The following MOB1B variants were observed in gnomAD, a reference collection of about 807,000 sequenced individuals.
The protein encoded by MOB1B is MOB kinase activator 1B, also known as MOB1 Mps One Binder homolog B.
MOB1B carries 19 observed loss-of-function variants against 24.4 expected under a neutral mutation model. The observed-to-expected ratio is 0.78, with a 90% CI of 0.54 to 1.14. The LOEUF (loss-of-function observed/expected upper bound fraction) is 1.14. Ranked by LOEUF, MOB1B falls within the 50% of genes most tolerant of loss-of-function variation. The probability of loss-of-function intolerance (pLI) is 0.00; values close to 1 mark genes in which losing one functional copy is unlikely to be tolerated. For synonymous variants in MOB1B, 76 were observed against 82.1 expected, an observed-to-expected ratio of 0.93 and a Z score of 0.40; for missense variants, 243 against 259.6, an observed-to-expected ratio of 0.94 and a Z score of 0.44.
rs1735559299 is a variant in MOB1B at position 70,902,617 on chromosome 4, C to CCGCCCGCCGCCCGT, written c.14+73_14+74insCCGCCCGTCGCCCG. On this transcript the variant is annotated intron_variant, in intron 1 of 5. Coordinates refer to ENST00000309395, the MANE Select transcript of MOB1B (RefSeq NM_173468.4). Reference sequence around the variant, plus strand: ...GACCTGGGCCCCCGCCCGCCGCCCGCCGCCCGTCGCCCGCCCTCGTCCCGA... The same window carrying CCGCCCGCCGCCCGT: ...GACCTGGGCCCCCGCCCGCCGCCCGCCGCCCGCCGCCCGTCGCCCGTCGCCCGCCCTCGTCCCGA... 3 of 1,422,092 alleles carry CCGCCCGCCGCCCGT rather than the reference C, an allele frequency of 2.1e-6. No homozygotes were observed. In the South Asian group the frequency reaches 3.9e-5, roughly 18 times the overall value. The allele number at this position is 1,422,092 out of a possible 1,614,324, so 88.1% of individuals were successfully genotyped here. A position where few individuals can be genotyped will look rare whatever the true frequency, so the allele number is the denominator to read the frequency against.
intron 1 of MOB1B, among the ~76,000 whole-genome samples, chr4:70,944,687 G>T (rs779428503): frequency 6.6e-6 from 1 of 152,110 alleles, no homozygotes; most frequent in Non-Finnish European, 1.5e-5. Flanking sequence ...TTACAATCAT[G>T]GCAGAAGGCA....
At chr4:70,936,827 A>G (rs1211258798) in intron 1 of MOB1B, among the ~76,000 whole-genome samples, 2 of 152,222 alleles carry the variant, frequency 1.3e-5, no homozygotes, top group African/African-American at 4.8e-5. Context: ...ATAGAGTTCT[A>G]GGGTAGAAAT....
chr4:70,979,648 T>C (rs1739124338), intron 5 of MOB1B, among the ~76,000 whole-genome samples: 1 of 152,228 alleles, frequency 6.6e-6, no homozygotes, highest in Admixed American at 6.5e-5. Context: ...GCCCTGGATC[T>C]TTATTAGCGG....
In MOB1B at chr4:70,982,735, T is replaced by G. The variant is rs1739258158; in HGVS notation, c.*678T>G. ...CTACAAGCAGGTCTTTTCCCACCTCTTGATATCTGTGATACTGAAACTTGA... is the reference window on the plus strand; with the variant it reads ...CTACAAGCAGGTCTTTTCCCACCTCGTGATATCTGTGATACTGAAACTTGA... On this transcript the variant is annotated 3_prime_UTR_variant, in exon 6 of 6. Coordinates refer to ENST00000309395, the MANE Select transcript of MOB1B (RefSeq NM_173468.4). 6.6e-6 allele frequency: 1 copy of G among 152,642 alleles called. No individual in the cohort carries two copies. Among genetic ancestry groups the G allele is most frequent in the Non-Finnish European group, 1.5e-5 (1 of 68,036 alleles). 9.5% of individuals were successfully genotyped at this position (152,642 alleles called of 1,614,324 possible).
rs184882990 is a variant in MOB1B at position 70,909,750 on chromosome 4, G to A, written c.14+7200G>A. Among the ~76,000 whole-genome samples, 251 of 150,664 alleles carry A rather than the reference G, an allele frequency of 1.7e-3. 3 individuals carry two copies. The highest frequency in any genetic ancestry group is 1.1e-3 in the Non-Finnish European group (74 of 67,750). ...TATACTTCTTTTTTTTTTTTGAGACGGAGTCTTGCTCTGCCACCCAGGCTG... is the reference window on the plus strand; with the variant it reads ...TATACTTCTTTTTTTTTTTTGAGACAGAGTCTTGCTCTGCCACCCAGGCTG... On this transcript the variant is annotated intron_variant, in intron 1 of 5. Transcript: ENST00000309395.
intron 1 of MOB1B, among the ~76,000 whole-genome samples, chr4:70,957,423 GCTCT>G (rs1199616520): frequency 6.0e-5 from 9 of 150,342 alleles, no homozygotes; most frequent in East Asian, 1.9e-4. Flanking sequence ...AAAATCGCTC[GCTCT>G]CTCTCTCTTT....
At chr4:70,938,601 T>C (rs1467391695) in intron 1 of MOB1B, among the ~76,000 whole-genome samples, 4 of 151,626 alleles carry the variant, frequency 2.6e-5, no homozygotes, top group African/African-American at 9.7e-5. Flanking sequence ...ACTGTGTAGA[T>C]TGTTTAGGGG....
At chr4:70,903,450 A>G (rs1735602928) in intron 1 of MOB1B, among the ~76,000 whole-genome samples, 1 of 152,184 alleles carries the variant, frequency 6.6e-6, no homozygotes, top group Admixed American at 6.5e-5. Flanking sequence ...GAGGCAGTAG[A>G]TAAGCCTCAG....
At chr4:70,906,930 A>T (rs1157494304) in intron 1 of MOB1B, among the ~76,000 whole-genome samples, 4 of 152,198 alleles carry the variant, frequency 2.6e-5, no homozygotes, top group East Asian at 1.9e-4. Context: ...CAATACAATC[A>T]TGGGGGCCCA....
chr4:70,943,386 G>A (rs1428480164), intron 1 of MOB1B, among the ~76,000 whole-genome samples: 2 of 152,328 alleles, frequency 1.3e-5, no homozygotes, highest in East Asian at 3.9e-4. Context: ...ATGACATCCA[G>A]TATCTCAACA....
intron 1 of MOB1B, among the ~76,000 whole-genome samples, chr4:70,938,819 C>T (rs1737202766): frequency 1.3e-5 from 2 of 150,510 alleles, no homozygotes; most frequent in Admixed American, 1.3e-4. Flanking sequence ...CTCTTGTTGC[C>T]CAGGCTGGAG....
intron 1 of MOB1B, among the ~76,000 whole-genome samples, chr4:70,947,211 CAAGT>C (rs1455902970): frequency 6.6e-6 from 1 of 152,210 alleles, no homozygotes; most frequent in Non-Finnish European, 1.5e-5. Flanking sequence ...GAGTCCCTGA[CAAGT>C]GAGTCGTAGA....
chr4:70,964,330 T>C (rs2148896625), intron 2 of MOB1B, among the ~76,000 whole-genome samples: 1 of 152,314 alleles, frequency 6.6e-6, no homozygotes, highest in South Asian at 2.1e-4. Flanking sequence ...TTTTCAAAAA[T>C]GGAAACCAAT....
chr4:70,916,429 A>T (rs1460443326), intron 1 of MOB1B, among the ~76,000 whole-genome samples: 2 of 152,176 alleles, frequency 1.3e-5, no homozygotes, highest in Non-Finnish European at 2.9e-5. Flanking sequence ...TATTATTATG[A>T]CTATTTGGGA....
intron 1 of MOB1B, among the ~76,000 whole-genome samples, chr4:70,952,022 A>G (rs1016638095): frequency 1.3e-5 from 2 of 152,192 alleles, no homozygotes; most frequent in African/African-American, 2.4e-5. Flanking sequence ...AAAGGGTACA[A>G]TTTATTTGGG....
intron 1 of MOB1B, among the ~76,000 whole-genome samples, chr4:70,927,328 C>A (rs1047726114): frequency 9.9e-5 from 15 of 152,086 alleles, no homozygotes; most frequent in African/African-American, 3.6e-4. Flanking sequence ...CATCTGAGAT[C>A]AGGAGTTCGA....
At position 70,982,568 on chromosome 4, in the gene MOB1B, GT is replaced by G. The variant is rs1358528550; in HGVS notation, c.*514del. On this transcript the variant is annotated 3_prime_UTR_variant, in exon 6 of 6. Transcript: ENST00000309395. Reference sequence around the variant, plus strand: ...TAACATATCTATGATAAAAGCCATAGTTTACCTAAAATGGTGATTTCCAGCC... The same window carrying G: ...TAACATATCTATGATAAAAGCCATAGTTACCTAAAATGGTGATTTCCAGCC... 1 of 152,630 alleles carries G rather than the reference GT, an allele frequency of 6.6e-6. No homozygotes were observed. The highest frequency in any genetic ancestry group is 1.5e-5 in the Non-Finnish European group (1 of 68,042). 9.5% of individuals were successfully genotyped at this position (152,630 alleles called of 1,614,324 possible).
intron 1 of MOB1B, chr4:70,942,821 A>G: frequency 2.7e-5 from 25 of 933,738 alleles, no homozygotes; most frequent in Non-Finnish European, 3.2e-5. Context: ...TTTTGTCTGT[A>G]GAGAGAAGGT....
intron 1 of MOB1B, among the ~76,000 whole-genome samples, chr4:70,919,911 T>G (rs1048894376): frequency 2.0e-5 from 3 of 152,206 alleles, no homozygotes; most frequent in Admixed American, 6.5e-5. Context: ...TGTATAGTCA[T>G]GACTCCACAT....
Sources: allele counts gnomAD v4.1 joint callset (sites outside exome capture counted in the v4.1 genomes callset), GRCh38; gene constraint gnomAD v4.1.1; transcripts MANE v1.5; gene names NCBI Gene and HGNC (gene_info 2026-07-23, HGNC 2026-07-21).